Variants in VAV2 observed in about 807,000 individuals in gnomAD.
VAV2 encodes the protein vav guanine nucleotide exchange factor 2.
Under a neutral mutation model 132.5 loss-of-function variants are expected in VAV2, and 67 were observed. The observed-to-expected ratio is 0.51, with a 90% CI of 0.42 to 0.62. VAV2 has a LOEUF of 0.62. Among genes scored for constraint, VAV2 ranks in the 20% least tolerant of loss-of-function variants. The pLI, the probability that VAV2 is intolerant of heterozygous loss-of-function variation, is 0.00. For synonymous variants in VAV2, 492 were observed against 443.5 expected (o/e 1.11, Z -1.37); for missense variants, 938 against 1,153.6 (o/e 0.81, Z 2.71).
intron 2 of VAV2, among the ~76,000 whole-genome samples, chr9:133,929,645 T>C (rs1020354837): frequency 6.6e-6 from 1 of 152,124 alleles, no homozygotes; most frequent in Non-Finnish European, 1.5e-5. Flanking sequence ...CCAAGGGGCC[T>C]CTCAGCTGCT....
At position 133,991,209 on chromosome 9, in the gene VAV2, C is replaced by T. The variant is rs1843004064; in HGVS notation, c.204+866G>A. 2.0e-5 allele frequency among the ~76,000 whole-genome samples: 3 copies of T among 152,218 alleles called. No homozygotes were observed. Among genetic ancestry groups the T allele is most frequent in the Admixed American group, 2.0e-4 (3 of 15,290 alleles). On this transcript the variant is annotated intron_variant, in intron 1 of 29. Coordinates refer to ENST00000371850, the MANE Select transcript of VAV2 (RefSeq NM_001134398.2). The surrounding 1 kb of genome is among the most constrained non-coding windows in gnomAD (Gnocchi z 4.8). ...TCTGCCTCCCCCGACCTCTTCTAAG[C>T]TGCTCCCGGTAAGGATTCCGCGACC...
At chr9:133,812,246 G>T (rs1835387273) in intron 4 of VAV2, 30 bp from the exon 5 acceptor site, 1 of 1,607,342 alleles carries the variant, frequency 6.2e-7, no homozygotes, top group Non-Finnish European at 8.5e-7. Flanking sequence ...TTAGAGGGGA[G>T]GGGAGGCTCC....
In VAV2 at chr9:133,928,580, G is replaced by C. The variant is rs1032890004; in HGVS notation, c.321+10523C>G. The stretch of plus-strand genomic sequence containing the variant: ...CGACTGGCAGAAAGGCCTCGGGTGA[G>C]CACAGAGTCTTCTGCACTCAGCAAA... On this transcript the variant is annotated intron_variant, in intron 2 of 29. Coordinates refer to ENST00000371850, the MANE Select transcript of VAV2 (RefSeq NM_001134398.2). The surrounding 1 kb of genome is among the most constrained non-coding windows in gnomAD (Gnocchi z 5.4). Among the ~76,000 whole-genome samples the C allele has an allele frequency of 7.2e-5, 11 of 152,186 alleles. No homozygotes were observed. The highest frequency in any genetic ancestry group is 2.7e-4 in the African/African-American group (11 of 41,428).
Position 133,791,896 on chromosome 9 carries a change from G to C in VAV2, c.1102-27C>G, listed in dbSNP as rs771595598. 1.9e-6 allele frequency: 3 copies of C among 1,593,796 alleles called. No homozygotes were observed. In the African/African-American group the frequency reaches 4.0e-5, roughly 21 times the overall value. On this transcript the variant is annotated intron_variant, in intron 12 of 29. Coordinates refer to ENST00000371850, the MANE Select transcript of VAV2 (RefSeq NM_001134398.2). ...TTGAAAACAAGAGGCAGAGGTGAGC[G>C]GGCTGTGCTGGGTGGGGTGTGTGTG...
intron 1 of VAV2, among the ~76,000 whole-genome samples, chr9:133,972,603 T>C (rs1333899079): frequency 6.6e-6 from 1 of 152,190 alleles, no homozygotes; most frequent in African/African-American, 2.4e-5. Context: ...AGAGGGAACT[T>C]GTCACCCAGA....
intron 2 of VAV2, among the ~76,000 whole-genome samples, chr9:133,893,254 G>T (rs1332046826): frequency 1.3e-5 from 2 of 152,192 alleles, no homozygotes; most frequent in African/African-American, 2.4e-5. Context: ...TCACACAAAG[G>T]CCCCACAGCT....
At chr9:133,812,015 G>C in intron 5 of VAV2, 99 bp downstream of exon 5, 2 of 1,254,374 alleles carry the variant, frequency 1.6e-6, no homozygotes, top group Non-Finnish European at 2.3e-6. Context: ...CCCTTCGGTG[G>C]CTCAGACATG....
Position 133,768,338 on chromosome 9 carries a change from A to G in VAV2, c.2589+104T>C. The G allele has an allele frequency of 6.8e-7, 1 of 1,461,364 alleles. No homozygotes were observed. Among genetic ancestry groups the G allele is most frequent in the Non-Finnish European group, 9.1e-7 (1 of 1,093,716 alleles). 90.5% of individuals were successfully genotyped at this position (1,461,364 alleles called of 1,614,324 possible). ...GGAGATTGCAGAGGGTGTCTGGAAC[A>G]GGGCCTGGGGTGTGGACATAGGTGT... On this transcript the variant is annotated intron_variant, in intron 29 of 29. Transcript: ENST00000371850. The surrounding 1 kb of genome is among the most constrained non-coding windows in gnomAD (Gnocchi z 5.3).
At chr9:133,942,752 C>G (rs61541299) in intron 1 of VAV2, among the ~76,000 whole-genome samples, 1,730 of 152,350 alleles carry the variant, frequency 0.011, 37 homozygotes, top group African/African-American at 0.04. Context: ...CTGTGCCTGG[C>G]CCGGCCCCAC....
chr9:133,807,273 G>C lies in VAV2; in HGVS notation c.720C>G (p.Val240=), dbSNP rs768762556. Residue 240 remains valine, a synonymous_variant, in exon 8 of 30, where the codon GTC becomes GTG. Transcript: ENST00000371850. Reference sequence around the variant, plus strand: ...GGACCCTTACCTCCAGGTTAATGAAGACAGCTGCCATGTCCGCCGGGCTCA... The same window carrying C: ...GGACCCTTACCTCCAGGTTAATGAACACAGCTGCCATGTCCGCCGGGCTCA... The part of the protein sequence containing the change: ...LVLSPADMAA[V]FINLEDLIKV... 6.2e-7 allele frequency: 1 copy of C among 1,610,996 alleles called. No homozygotes were observed. The highest frequency in any genetic ancestry group is 1.3e-5 in the African/African-American group (1 of 75,030).
chr9:133,793,973 G>A (rs1371131898), intron 12 of VAV2, among the ~76,000 whole-genome samples: 1 of 152,088 alleles, frequency 6.6e-6, no homozygotes, highest in Non-Finnish European at 1.5e-5. Flanking sequence ...AGGTTCGGTG[G>A]CTCTCAGAAA....
intron 1 of VAV2, among the ~76,000 whole-genome samples, chr9:133,981,524 C>G (rs934638090): frequency 1.3e-5 from 2 of 152,156 alleles, no homozygotes; most frequent in African/African-American, 4.8e-5. Flanking sequence ...AGTGAGCCGC[C>G]GGGCTCGGGG....
In VAV2 at chr9:133,925,225, C is replaced by T. The variant is rs1018827844; in HGVS notation, c.321+13878G>A. Among the ~76,000 whole-genome samples, 3 of 152,130 alleles carry T rather than the reference C, an allele frequency of 2.0e-5. No individual in the cohort carries two copies. The South Asian group carries it at 6.2e-4, about 31-fold the overall frequency. On this transcript the variant is annotated intron_variant, in intron 2 of 29. Coordinates refer to ENST00000371850, the MANE Select transcript of VAV2 (RefSeq NM_001134398.2). Reference sequence around the variant, plus strand: ...TATTTTATCACAATAATTTTTTCTTCCCCCCACCGGAGACAGGGTCTCGCT... The same window carrying T: ...TATTTTATCACAATAATTTTTTCTTTCCCCCACCGGAGACAGGGTCTCGCT...
intron 2 of VAV2, among the ~76,000 whole-genome samples, chr9:133,873,763 A>G (rs1243779024): frequency 6.6e-6 from 1 of 152,206 alleles, no homozygotes; most frequent in Non-Finnish European, 1.5e-5. Flanking sequence ...GAAGCAGCTT[A>G]GCAGCCATCT....
At chr9:133,915,739 CACAT>C (rs1840055985) in intron 2 of VAV2, among the ~76,000 whole-genome samples, 1 of 151,444 alleles carries the variant, frequency 6.6e-6, no homozygotes, top group Non-Finnish European at 1.5e-5. Flanking sequence ...ACACAACGCA[CACAT>C]ACACACACGA....
At chr9:133,895,353 CTCTT>C in intron 2 of VAV2, among the ~76,000 whole-genome samples, 1 of 152,274 alleles carries the variant, frequency 6.6e-6, no homozygotes, top group South Asian at 2.1e-4. Flanking sequence ...TGTAACATGA[CTCTT>C]TCTGCCGTGC....
At position 133,919,363 on chromosome 9, in the gene VAV2, C is replaced by T. The variant is rs1013605020; in HGVS notation, c.321+19740G>A. Among the ~76,000 whole-genome samples the T allele has an allele frequency of 8.5e-5, 13 of 152,336 alleles. No individual in the cohort carries two copies. Among genetic ancestry groups the T allele is most frequent in the Admixed American group, 2.6e-4 (4 of 15,300 alleles). On this transcript the variant is annotated intron_variant, in intron 2 of 29. Transcript: ENST00000371850. The surrounding 1 kb of genome is among the most constrained non-coding windows in gnomAD (Gnocchi z 5.8). ...AGGCTGGAGACTCTTAGGGCCCCAC[C>T]GGGCTTTGAAACCAGATCCTGGGAG...
intron 1 of VAV2, among the ~76,000 whole-genome samples, chr9:133,989,612 G>A (rs531426450): frequency 2.0e-5 from 3 of 151,998 alleles, no homozygotes; most frequent in South Asian, 4.2e-4. Context: ...CTGAACCCAG[G>A]AGGTGGAGGT....
intron 2 of VAV2, among the ~76,000 whole-genome samples, chr9:133,875,598 A>T (rs1421981405): frequency 6.6e-6 from 1 of 152,236 alleles, no homozygotes; most frequent in Non-Finnish European, 1.5e-5. Context: ...CCGGCACTGC[A>T]GCGCACGGCA....
Sources: gnomAD v4.1 joint callset for allele counts (sites outside exome capture counted in the v4.1 genomes callset) on GRCh38, gnomAD v4.1.1 for gene constraint, Gnocchi (gnomAD v3.1) non-coding constraint, MANE v1.5 for transcripts, NCBI Gene and HGNC (gene_info 2026-07-23, HGNC 2026-07-21) for gene names.